Variants in CLSTN2 observed in about 807,000 individuals in gnomAD.
CLSTN2 encodes the protein calsyntenin 2.
A neutral mutation model predicts 101.2 loss-of-function variants in CLSTN2; 48 were observed. That is an observed-to-expected ratio of 0.47 (90% CI 0.38 to 0.60). CLSTN2 has a LOEUF of 0.60. Among genes scored for constraint, CLSTN2 ranks in the 20% least tolerant of loss-of-function variants. The probability of loss-of-function intolerance (pLI) is 0.00; values close to 1 mark genes in which losing one functional copy is unlikely to be tolerated. For synonymous variants in CLSTN2, 481 were observed against 463.6 expected (o/e 1.04, Z -0.48); for missense variants, 1,160 against 1,238.2 (o/e 0.94, Z 0.95).
chr3:140,144,994 C>T (rs546041963), intron 1 of CLSTN2, among the ~76,000 whole-genome samples: 9 of 152,366 alleles, frequency 5.9e-5, no homozygotes, highest in South Asian at 4.1e-4. Context: ...CCTATCCTCA[C>T]GCCCCTGTGG....
chr3:140,453,313 G>A (rs1196585054), intron 6 of CLSTN2: 2 of 152,126 alleles, frequency 1.3e-5, no homozygotes, highest in African/African-American at 4.8e-5. Context: ...GTAAGAGCAT[G>A]CTGCAAAAAT....
chr3:140,476,425 C>T (rs1933985380), intron 8 of CLSTN2, among the ~76,000 whole-genome samples: 1 of 152,222 alleles, frequency 6.6e-6, no homozygotes, highest in Non-Finnish European at 1.5e-5. Flanking sequence ...TAGCAAGGTG[C>T]TTTCCACATC....
chr3:139,936,721 T>C (rs1003057663), intron 1 of CLSTN2, among the ~76,000 whole-genome samples: 1 of 152,230 alleles, frequency 6.6e-6, no homozygotes, highest in African/African-American at 2.4e-5. Context: ...TTGTCTGGGC[T>C]TTAGAAACTG....
chr3:140,027,980 T>A (rs981417624), intron 1 of CLSTN2, among the ~76,000 whole-genome samples: 1 of 152,160 alleles, frequency 6.6e-6, no homozygotes, highest in Non-Finnish European at 1.5e-5. Flanking sequence ...ATGTGTAAAG[T>A]GAAGCAATCC....
intron 1 of CLSTN2, among the ~76,000 whole-genome samples, chr3:140,036,957 A>C (rs536728145): frequency 6.6e-6 from 1 of 152,200 alleles, no homozygotes. Context: ...AAATACATAA[A>C]AAAATTAAAA....
intron 1 of CLSTN2, among the ~76,000 whole-genome samples, chr3:140,065,579 C>T (rs1466062089): frequency 6.6e-6 from 1 of 152,120 alleles, no homozygotes; most frequent in African/African-American, 2.4e-5. Context: ...GCCAGGAGCA[C>T]TGGGGGCAGA....
intron 1 of CLSTN2, among the ~76,000 whole-genome samples, chr3:139,947,918 C>T (rs115150042): frequency 0.012 from 1,830 of 151,800 alleles, 13 homozygotes; most frequent in Middle Eastern, 0.068. Context: ...AAATTCCAGT[C>T]TTCCTAGGGA....
chr3:140,230,176 AG>A, intron 2 of CLSTN2, among the ~76,000 whole-genome samples: 1 of 152,230 alleles, frequency 6.6e-6, no homozygotes, highest in East Asian at 1.9e-4. Context: ...AGCAGGGGAA[AG>A]AGGCCGTTTT....
intron 2 of CLSTN2, among the ~76,000 whole-genome samples, chr3:140,204,934 C>G (rs1576466397): frequency 6.6e-6 from 1 of 152,114 alleles, no homozygotes; most frequent in African/African-American, 2.4e-5. Flanking sequence ...CATTGATGGG[C>G]CTCATGACAC....
At chr3:140,411,335 C>A (rs2088360455) in intron 4 of CLSTN2, among the ~76,000 whole-genome samples, 1 of 152,062 alleles carries the variant, frequency 6.6e-6, no homozygotes, top group East Asian at 1.9e-4. Flanking sequence ...CAAAGAAGGT[C>A]ATTATATGAT....
At chr3:140,240,303 T>TAC (rs10663002) in intron 2 of CLSTN2, among the ~76,000 whole-genome samples, 129,188 of 141,586 alleles carry the variant, frequency 0.91, 59,681 homozygotes, top group South Asian at 0.99. Context: ...CATATATATA[T>TAC]ATACACACAC....
chr3:140,565,953 G>C, intron 16 of CLSTN2, 100 bp from the exon 17 acceptor site: 3 of 1,422,580 alleles, frequency 2.1e-6, no homozygotes, highest in Non-Finnish European at 2.9e-6. Context: ...GAAATTCCAA[G>C]GGGCCGTAAA....
chr3:140,387,492 T>G (rs1198430882), intron 2 of CLSTN2, among the ~76,000 whole-genome samples: 1 of 152,238 alleles, frequency 6.6e-6, no homozygotes, highest in Non-Finnish European at 1.5e-5. Flanking sequence ...AAAAGCCTGC[T>G]TGTTAATAGT....
At chr3:139,972,074 G>C (rs1935715636) in intron 1 of CLSTN2, among the ~76,000 whole-genome samples, 1 of 152,124 alleles carries the variant, frequency 6.6e-6, no homozygotes, top group South Asian at 2.1e-4. Context: ...GACCAGCATG[G>C]CTAACACGGT....
intron 2 of CLSTN2, among the ~76,000 whole-genome samples, chr3:140,209,487 G>A (rs1277337582): frequency 2.6e-5 from 4 of 152,192 alleles, no homozygotes; most frequent in African/African-American, 9.7e-5. Flanking sequence ...CTGGAAGTAG[G>A]TTAACTGCTG....
intron 1 of CLSTN2, among the ~76,000 whole-genome samples, chr3:140,001,766 C>T (rs2006847152): frequency 6.6e-6 from 1 of 151,840 alleles, no homozygotes; most frequent in South Asian, 2.1e-4. Context: ...CCTTCCCCAC[C>T]CTCTTACTAC....
intron 8 of CLSTN2, among the ~76,000 whole-genome samples, chr3:140,503,663 A>G (rs1214943884): frequency 1.3e-5 from 2 of 152,248 alleles, no homozygotes; most frequent in Non-Finnish European, 2.9e-5. Context: ...ACAACACAAT[A>G]GGAATGCTCT....
intron 1 of CLSTN2, among the ~76,000 whole-genome samples, chr3:139,999,920 A>C (rs1407003496): frequency 6.6e-6 from 1 of 151,242 alleles, no homozygotes; most frequent in Non-Finnish European, 1.5e-5. Flanking sequence ...ACGCCACTGC[A>C]TTCTAACCTG....
intron 2 of CLSTN2, among the ~76,000 whole-genome samples, chr3:140,256,336 T>C (rs960344234): frequency 1.3e-5 from 2 of 152,212 alleles, no homozygotes; most frequent in African/African-American, 2.4e-5. Flanking sequence ...TCTGTGTTTT[T>C]TCATTCATGA....
Sources: gnomAD v4.1 joint callset for allele counts (sites outside exome capture counted in the v4.1 genomes callset) on GRCh38, gnomAD v4.1.1 for gene constraint, MANE v1.5 for transcripts, NCBI Gene and HGNC (gene_info 2026-07-23, HGNC 2026-07-21) for gene names.